MVK: variants seen among roughly 807,000 people sequenced by gnomAD.
The protein encoded by MVK is LH receptor mRNA-binding protein.
Under a neutral mutation model 43.2 loss-of-function variants are expected in MVK, and 34 were observed. That is an observed-to-expected ratio of 0.79 (90% CI 0.60 to 1.05). The LOEUF is 1.05. Ranked by LOEUF, MVK falls within the 50% of genes least tolerant of loss-of-function variation. MVK has a pLI of 0.00. For missense variants in MVK, 395 were observed against 504.0 expected (o/e 0.78, Z 2.07); for synonymous variants, 190 against 219.8 (o/e 0.86, Z 1.20).
intron 5 of MVK, among the ~76,000 whole-genome samples, chr12:109,582,316 TTTTG>T (rs201036800): frequency 0.13 from 5,101 of 37,940 alleles, 101 homozygotes; most frequent in Non-Finnish European, 0.17. Flanking sequence ...AGCTTGGTTT[TTTTG>T]TTTGTTTGTT....
chr12:109,574,981 T>G lies in MVK; in HGVS notation c.78+81T>G, dbSNP rs751360321. ...TTTGTAAGAAGGTAAAAGGACACCCTGAGGCACAGCTTGGGAGCAGATCAG... is the reference window on the plus strand; with the variant it reads ...TTTGTAAGAAGGTAAAAGGACACCCGGAGGCACAGCTTGGGAGCAGATCAG... On this transcript the variant is annotated intron_variant, in intron 2 of 10. Coordinates refer to ENST00000228510, the MANE Select transcript of MVK (RefSeq NM_000431.4). 204 of 1,376,230 alleles carry G rather than the reference T, an allele frequency of 1.5e-4. 1 individual carries two copies. The highest frequency in any genetic ancestry group is 2.0e-4 in the Non-Finnish European group (197 of 987,266). 85.3% of individuals were successfully genotyped at this position (1,376,230 alleles called of 1,614,324 possible). A position where few individuals can be genotyped will look rare whatever the true frequency, so the allele number is the denominator to read the frequency against.
At chr12:109,585,971 C>G in intron 5 of MVK, 51 bp from the exon 6 acceptor site, 1 of 1,523,818 alleles carries the variant, frequency 6.6e-7, no homozygotes, top group Non-Finnish European at 9.1e-7. Context: ...GTGACCCCTC[C>G]CCAGCCCCAC....
At position 109,596,651 on chromosome 12, in the gene MVK, G is replaced by A; in HGVS notation, c.*74G>A. On this transcript the variant is annotated 3_prime_UTR_variant, in exon 11 of 11. Coordinates refer to ENST00000228510, the MANE Select transcript of MVK (RefSeq NM_000431.4). ...ATTCTGGGGGCTGCAGTTCGACTCT[G>A]TGCTGGCCAGCGAGCGCCCAGCTCC... The A allele has an allele frequency of 6.4e-7, 1 of 1,573,070 alleles. No individual in the cohort carries two copies. The highest frequency in any genetic ancestry group is 2.3e-5 in the East Asian group (1 of 43,706).
chr12:109,592,361 C>G (rs1436440689), intron 9 of MVK, among the ~76,000 whole-genome samples: 2 of 152,238 alleles, frequency 1.3e-5, no homozygotes, highest in Non-Finnish European at 2.9e-5. Flanking sequence ...AGCCATCTGG[C>G]TGCCCTTGCA....
intron 5 of MVK, among the ~76,000 whole-genome samples, chr12:109,582,716 G>A (rs1402818807): frequency 6.7e-6 from 1 of 149,484 alleles, no homozygotes; most frequent in African/African-American, 2.4e-5. Flanking sequence ...AAAACAAACT[G>A]TGTAGAGCAG....
intron 3 of MVK, 107 bp from the exon 4 acceptor site, chr12:109,579,695 A>C: frequency 6.8e-7 from 1 of 1,464,320 alleles, no homozygotes; most frequent in Non-Finnish European, 9.5e-7. Flanking sequence ...ATTCGTGTCC[A>C]TCCATGTTCC....
At chr12:109,574,381 T>C (rs891769655) in intron 1 of MVK, among the ~76,000 whole-genome samples, 1 of 152,166 alleles carries the variant, frequency 6.6e-6, no homozygotes, top group African/African-American at 2.4e-5. Context: ...CTACCTTTAA[T>C]AGTAGTAGTT....
chr12:109,590,733 T>G, intron 7 of MVK, 38 bp from the exon 8 acceptor site: 1 of 1,593,298 alleles, frequency 6.3e-7, no homozygotes, highest in Non-Finnish European at 8.6e-7. Context: ...TCCTCCATCT[T>G]GAGTTCAGTG....
At chr12:109,583,163 A>G (rs1235288142) in intron 5 of MVK, among the ~76,000 whole-genome samples, 11 of 151,276 alleles carry the variant, frequency 7.3e-5, no homozygotes, top group Non-Finnish European at 1.3e-4. Flanking sequence ...TTAGTTACAT[A>G]TGTATACATG....
chr12:109,578,789 C>T (rs1484170603), intron 3 of MVK, among the ~76,000 whole-genome samples: 1 of 152,232 alleles, frequency 6.6e-6, no homozygotes, highest in Non-Finnish European at 1.5e-5. Context: ...AATTCCATTT[C>T]CCAGTCCCTT....
chr12:109,596,555 A>G lies in MVK; in HGVS notation c.1169A>G (p.Gln390Arg). The G allele has an allele frequency of 6.2e-7, 1 of 1,611,126 alleles. No individual in the cohort carries two copies. Among genetic ancestry groups the G allele is most frequent in the Non-Finnish European group, 8.5e-7 (1 of 1,179,960 alleles). ...HSATSLDSRV[Q>R]QALDGL ...GCCACCTCCCTGGACAGCCGAGTCC[A>G]GCAAGCCCTGGATGGCCTCTGAGAG... is the stretch of plus-strand genomic sequence containing the variant. The change falls in exon 11 of 11, where the codon CAG becomes CGG. Residue 390 changes from glutamine (Q) to arginine (R), a missense_variant. Physicochemically the swap from Gln to Arg is conservative, Grantham distance 43. Transcript: ENST00000228510.
At chr12:109,578,962 A>C (rs1885081868) in intron 3 of MVK, among the ~76,000 whole-genome samples, 1 of 152,034 alleles carries the variant, frequency 6.6e-6, no homozygotes, top group Non-Finnish European at 1.5e-5. Context: ...TCGCATTTAC[A>C]CTGTCCTATT....
Position 109,574,904 on chromosome 12 carries a change from C to A in MVK, c.78+4C>A, listed in dbSNP as rs763054231. Reference sequence around the variant, plus strand: ...ACATGCCGTGGTACATGGCAAGGTACAAAGCCGTTAGAGCCTTTAAGGATT... The same window carrying A: ...ACATGCCGTGGTACATGGCAAGGTAAAAAGCCGTTAGAGCCTTTAAGGATT... On this transcript the variant is annotated splice_donor_region_variant and intron_variant, in intron 2 of 10. Transcript: ENST00000228510. The A allele has an allele frequency of 1.2e-6, 2 of 1,606,296 alleles. No homozygotes were observed. Among genetic ancestry groups the A allele is most frequent in the East Asian group, 4.5e-5 (2 of 44,778 alleles).
chr12:109,596,053 G>A (rs1173535770), intron 10 of MVK, among the ~76,000 whole-genome samples: 7 of 151,284 alleles, frequency 4.6e-5, no homozygotes, highest in Non-Finnish European at 7.4e-5. Context: ...CTTTACCTGC[G>A]TTATTTCCTT....
At chr12:109,591,402 C>A in intron 9 of MVK, 45 bp downstream of exon 9, 1 of 1,561,182 alleles carries the variant, frequency 6.4e-7, no homozygotes, top group Non-Finnish European at 8.8e-7. Context: ...GTCCACACCA[C>A]TGTCCAAGGC....
upstream of MVK, chr12:109,573,541 T>C (rs578147086): frequency 5.0e-4 from 774 of 1,549,842 alleles, 6 homozygotes; most frequent in African/African-American, 9.8e-3. Context: ...GCGGGGTGAC[T>C]CCACCCACAG....
intron 7 of MVK, chr12:109,588,271 G>A (rs1309468687): frequency 6.6e-6 from 1 of 152,298 alleles, no homozygotes; most frequent in Non-Finnish European, 1.5e-5. Flanking sequence ...GTGGGTGACA[G>A]TGACAGGCGT....
intron 7 of MVK, chr12:109,589,902 G>A (rs946987234): frequency 1.3e-5 from 2 of 152,548 alleles, no homozygotes; most frequent in Non-Finnish European, 2.9e-5. Context: ...GTGGCTTTAG[G>A]AGGGATTTAT....
intron 7 of MVK, chr12:109,589,757 A>C (rs1261319185): frequency 6.6e-6 from 1 of 152,224 alleles, no homozygotes; most frequent in African/African-American, 2.4e-5. Flanking sequence ...GCCCGTCTCC[A>C]GCTGTCTCGG....
Sources: gnomAD v4.1 joint callset for allele counts (sites outside exome capture counted in the v4.1 genomes callset) on GRCh38, gnomAD v4.1.1 for gene constraint, MANE v1.5 for transcripts, NCBI Gene and HGNC (gene_info 2026-07-23, HGNC 2026-07-21) for gene names.